Variants in PGR observed in about 807,000 individuals in gnomAD.
PGR encodes the protein nuclear receptor subfamily 3 group C member 3.
Under a neutral mutation model 76.1 loss-of-function variants are expected in PGR, and 25 were observed. That is an observed-to-expected ratio of 0.33 (90% confidence interval 0.24 to 0.46). The LOEUF (loss-of-function observed/expected upper bound fraction) is 0.46. PGR is among the 20% of genes least tolerant of loss of function. The probability of loss-of-function intolerance (pLI) is 1.00; values close to 1 mark genes in which losing one functional copy is unlikely to be tolerated. For synonymous variants in PGR, 579 were observed against 535.0 expected, an observed-to-expected ratio of 1.08 and a Z score of -1.14; for missense variants, 1,172 against 1,225.3, an observed-to-expected ratio of 0.96 and a Z score of 0.65.
At chr11:101,107,212 T>TA (rs1348445031) in intron 2 of PGR, among the ~76,000 whole-genome samples, 2 of 152,008 alleles carry the variant, frequency 1.3e-5, no homozygotes, top group Non-Finnish European at 2.9e-5. Context: ...AAAGTATAAG[T>TA]AAAAAAAGGA....
At position 101,035,542 on chromosome 11, in the gene PGR, C is replaced by T. The variant is rs1035724475; in HGVS notation, c.*3574G>A. The T allele has an allele frequency of 1.3e-5, 3 of 231,950 alleles. No individual in the cohort carries two copies. Among genetic ancestry groups the T allele is most frequent in the African/African-American group, 2.2e-5 (1 of 45,254 alleles). 14.4% of individuals were successfully genotyped at this position (231,950 alleles called of 1,614,324 possible). ...ATTGTAATTTCTAAACCCATTGTTCCCTTTTGTGGAATTGCTGCCATAGTA... is the reference window on the plus strand; with the variant it reads ...ATTGTAATTTCTAAACCCATTGTTCTCTTTTGTGGAATTGCTGCCATAGTA... On this transcript the variant is annotated 3_prime_UTR_variant, in exon 8 of 8. Transcript: ENST00000325455.
rs1436170445 is a variant in PGR, at chr11:101,128,747, G to T, written c.324C>A (p.Ser108Arg). The T allele has an allele frequency of 6.2e-7, 1 of 1,613,508 alleles. No individual in the cohort carries two copies. Among genetic ancestry groups the T allele is most frequent in the South Asian group, 1.1e-5 (1 of 91,052 alleles). ...TGTCCAAGACACTGTCCAGCAGTCC[G>T]CTGTCCTTTTCTGGGGGACTAGAAC... Reference protein sequence around the residue: ...GSSSSPPEKDSGLLDSVLDTL... With the variant: ...GSSSSPPEKDRGLLDSVLDTL... The change falls in exon 1 of 8, where the codon AGC (serine) becomes AGA (arginine). Residue 108 changes from serine (S) to arginine (R), a missense_variant. Ser to Arg is a moderately radical substitution (Grantham distance 110, BLOSUM62 -1). This residue lies in a region of PGR where 893 missense variants were observed against 785.9 expected (regional missense o/e 1.14). Transcript: ENST00000325455.
At chr11:101,081,775 C>G (rs1861315656) in intron 3 of PGR, among the ~76,000 whole-genome samples, 1 of 152,260 alleles carries the variant, frequency 6.6e-6, no homozygotes, top group South Asian at 2.1e-4. Context: ...AACATGGAAG[C>G]AAAAGAACCA....
intron 4 of PGR, among the ~76,000 whole-genome samples, chr11:101,060,061 G>C (rs17096184): frequency 0.02 from 3,100 of 152,188 alleles, 81 homozygotes; most frequent in African/African-American, 0.057. Flanking sequence ...CCTTTGTTAT[G>C]ATGGTCATTC....
chr11:101,120,984 A>C (rs1862656563), intron 2 of PGR, among the ~76,000 whole-genome samples: 1 of 152,218 alleles, frequency 6.6e-6, no homozygotes, highest in Non-Finnish European at 1.5e-5. Context: ...ATATGAACAG[A>C]TGACACCAAA....
chr11:101,065,420 A>C (rs1162541038), intron 3 of PGR, among the ~76,000 whole-genome samples: 1 of 152,214 alleles, frequency 6.6e-6, no homozygotes, highest in Non-Finnish European at 1.5e-5. Context: ...CCTAACCTTT[A>C]TGCATAAGAA....
intron 6 of PGR, among the ~76,000 whole-genome samples, chr11:101,049,406 C>T (rs1860010811): frequency 1.3e-5 from 2 of 152,144 alleles, no homozygotes; most frequent in African/African-American, 4.8e-5. Context: ...TTTTTATTAT[C>T]TTTACCAAGT....
chr11:101,070,103 T>C (rs980603161), intron 3 of PGR, among the ~76,000 whole-genome samples: 1 of 152,100 alleles, frequency 6.6e-6, no homozygotes, highest in African/African-American at 2.4e-5. Flanking sequence ...GGGTGATTTC[T>C]GCATTTTCAA....
chr11:101,030,921 A>C lies in PGR; in HGVS notation c.*8195T>G, dbSNP rs1256504257. Reference sequence around the variant, plus strand: ...TAGGGCAAAGAGGACAAATGCCTACATTCTGAGACTGAAAGTTGAAGGAGG... The same window carrying C: ...TAGGGCAAAGAGGACAAATGCCTACCTTCTGAGACTGAAAGTTGAAGGAGG... On this transcript the variant is annotated 3_prime_UTR_variant, in exon 8 of 8. Coordinates refer to ENST00000325455, the MANE Select transcript of PGR (RefSeq NM_000926.4). 3 of 189,524 alleles carry C rather than the reference A, an allele frequency of 1.6e-5. No individual in the cohort carries two copies. Among genetic ancestry groups the C allele is most frequent in the Admixed American group, 6.2e-5 (1 of 16,186 alleles). The allele number at this position is 189,524 out of a possible 1,614,324, so 11.7% of individuals were successfully genotyped here. A position where few individuals can be genotyped will look rare whatever the true frequency, so the allele number is the denominator to read the frequency against.
At chr11:101,081,590 G>C (rs1461947962) in intron 3 of PGR, among the ~76,000 whole-genome samples, 1 of 152,184 alleles carries the variant, frequency 6.6e-6, no homozygotes, top group Non-Finnish European at 1.5e-5. Flanking sequence ...AGCTAGGAGA[G>C]ATTGGGGGCC....
chr11:101,121,612 G>C (rs1280733130), intron 2 of PGR, among the ~76,000 whole-genome samples: 1 of 152,190 alleles, frequency 6.6e-6, no homozygotes, highest in Non-Finnish European at 1.5e-5. Flanking sequence ...ATCTGACAGA[G>C]GGGTCAATTC....
At position 101,122,152 on chromosome 11, in the gene PGR, C is replaced by CAAAAAA. The variant is rs56163757; in HGVS notation, c.1789+3849_1789+3854dup. 1.6e-4 allele frequency among the ~76,000 whole-genome samples: 16 copies of CAAAAAA among 102,264 alleles called. 1 individual carries two copies. Among genetic ancestry groups the CAAAAAA allele is most frequent in the Admixed American group, 2.2e-4 (2 of 9,196 alleles). The allele number at this position is 102,264 out of a possible 152,430, so 67.1% of individuals were successfully genotyped here. The stretch of plus-strand genomic sequence containing the variant: ...CATGGGCAACAGCGAGACTCCGTCT[C>CAAAAAA]AAAAAAAAAAAAAAAAAAGTGAGCA... On this transcript the variant is annotated intron_variant, in intron 2 of 7. Coordinates refer to ENST00000325455, the MANE Select transcript of PGR (RefSeq NM_000926.4).
chr11:101,116,606 G>T (rs1335798178), intron 2 of PGR, among the ~76,000 whole-genome samples: 5 of 151,992 alleles, frequency 3.3e-5, no homozygotes, highest in African/African-American at 9.7e-5. Context: ...TGGGCATGGT[G>T]GTGGGCACCT....
chr11:101,123,574 C>T (rs1225544130), intron 2 of PGR, among the ~76,000 whole-genome samples: 1 of 152,222 alleles, frequency 6.6e-6, no homozygotes, highest in Non-Finnish European at 1.5e-5. Flanking sequence ...ACATTCAATG[C>T]TTAGTCAGTG....
At position 101,128,402 on chromosome 11, in the gene PGR, C is replaced by T. The variant is rs769874023; in HGVS notation, c.669G>A (p.Glu223=). 15 of 1,610,398 alleles carry T rather than the reference C, an allele frequency of 9.3e-6. No individual in the cohort carries two copies. In the South Asian group the frequency reaches 1.5e-4, roughly 17 times the overall value. ...ACTCCTCGGACTCAGAGCCATCCTC[C>T]TCCTCAACCTCCACCGCAGCGGCCT... ...SPQAAAVEVE[E]EDGSESEESA... The change falls in exon 1 of 8, where the codon GAG becomes GAA. Residue 223 remains glutamate (E), a synonymous_variant. Coordinates refer to ENST00000325455, the MANE Select transcript of PGR (RefSeq NM_000926.4).
intron 2 of PGR, among the ~76,000 whole-genome samples, chr11:101,102,290 GATA>G (rs1488250301): frequency 6.6e-6 from 1 of 152,222 alleles, no homozygotes; most frequent in Non-Finnish European, 1.5e-5. Flanking sequence ...ATTTTGGGGT[GATA>G]ATATTGTGGT....
At chr11:101,085,129 C>T (rs368735082) in intron 3 of PGR, among the ~76,000 whole-genome samples, 8 of 152,292 alleles carry the variant, frequency 5.3e-5, no homozygotes, top group East Asian at 3.9e-4. Context: ...AACCACAGAA[C>T]GTAAATTCTT....
intron 4 of PGR, among the ~76,000 whole-genome samples, chr11:101,057,484 G>T (rs1206778185): frequency 1.3e-5 from 2 of 152,074 alleles, no homozygotes; most frequent in East Asian, 3.9e-4. Flanking sequence ...TTTGGAAAAA[G>T]AAATGGAAAA....
chr11:101,115,519 C>T (rs997446965), intron 2 of PGR, among the ~76,000 whole-genome samples: 2 of 152,132 alleles, frequency 1.3e-5, no homozygotes, highest in African/African-American at 2.4e-5. Context: ...CGCCTGTAAT[C>T]CCAGCACTTT....
Sources: allele counts gnomAD v4.1 joint callset (sites outside exome capture counted in the v4.1 genomes callset), GRCh38; gene constraint gnomAD v4.1.1; regional missense constraint gnomAD v4.1.1; transcripts MANE v1.5; gene names NCBI Gene and HGNC (gene_info 2026-07-23, HGNC 2026-07-21).